The following SEMA3C variants were observed in gnomAD, a reference collection of about 807,000 sequenced individuals.
The protein encoded by SEMA3C is semaphorin-3C.
In SEMA3C, 47 loss-of-function variants were observed where a neutral mutation model predicts 89.4. The observed-to-expected ratio is 0.53, with a 90% confidence interval of 0.42 to 0.67. The LOEUF (loss-of-function observed/expected upper bound fraction) is 0.67, where lower values mean the gene tolerates loss of function less well. Among genes scored for constraint, SEMA3C ranks in the 30% least tolerant of loss-of-function variants. The pLI is 0.00. For synonymous variants in SEMA3C, 310 were observed against 320.2 expected, an observed-to-expected ratio of 0.97 and a Z score of 0.34; for missense variants, 839 against 929.1, an observed-to-expected ratio of 0.90 and a Z score of 1.26.
intron 2 of SEMA3C, among the ~76,000 whole-genome samples, chr7:80,842,018 C>A (rs958814646): frequency 2.0e-5 from 3 of 152,166 alleles, no homozygotes; most frequent in Non-Finnish European, 4.4e-5. Flanking sequence ...GCTCCCTTTT[C>A]TCCTTTTTTC....
At chr7:80,766,315 C>T (rs1788301842) in intron 12 of SEMA3C, among the ~76,000 whole-genome samples, 1 of 152,182 alleles carries the variant, frequency 6.6e-6, no homozygotes, top group Non-Finnish European at 1.5e-5. Context: ...TATCACATGT[C>T]ATGTCTCTCT....
At chr7:80,890,066 T>C (rs1791575776) in intron 2 of SEMA3C, among the ~76,000 whole-genome samples, 1 of 152,180 alleles carries the variant, frequency 6.6e-6, no homozygotes, top group Non-Finnish European at 1.5e-5. Flanking sequence ...TCCAACATAT[T>C]GAAGGGACTG....
At chr7:80,833,965 T>C (rs1021240111) in intron 2 of SEMA3C, among the ~76,000 whole-genome samples, 2 of 152,182 alleles carry the variant, frequency 1.3e-5, no homozygotes, top group Non-Finnish European at 2.9e-5. Context: ...ACATTACAAT[T>C]ACTAGTCCAT....
intron 2 of SEMA3C, among the ~76,000 whole-genome samples, chr7:80,880,157 GCTCAAAT>G (rs1382468068): frequency 2.0e-5 from 3 of 152,020 alleles, no homozygotes; most frequent in Non-Finnish European, 4.4e-5. Flanking sequence ...TCAAATCTTT[GCTCAAAT>G]CTCAACATCT....
chr7:80,831,604 A>C (rs1453001809), intron 2 of SEMA3C, among the ~76,000 whole-genome samples: 1 of 152,232 alleles, frequency 6.6e-6, no homozygotes, highest in Non-Finnish European at 1.5e-5. Flanking sequence ...CAATAATAAA[A>C]TAAGGCATTG....
chr7:80,919,856 G>C (rs1382002689), upstream of SEMA3C, among the ~76,000 whole-genome samples: 2 of 152,064 alleles, frequency 1.3e-5, no homozygotes. Context: ...CCACCGCGCC[G>C]GGCCTCTGTT....
intron 15 of SEMA3C, among the ~76,000 whole-genome samples, chr7:80,754,702 T>A (rs1167023855): frequency 6.6e-6 from 1 of 152,198 alleles, no homozygotes; most frequent in East Asian, 1.9e-4. Flanking sequence ...GCATATTTTT[T>A]ATATATGTAG....
In SEMA3C at chr7:80,916,758, C is replaced by A. The variant is rs1413897272; in HGVS notation, c.24G>T (p.Val8=). MAFRTIC[V]LVGVFICSIC... is the part of the protein sequence containing the mutation. The stretch of plus-strand genomic sequence containing the variant: ...TAGAACAAATAAATACTCCAACCAA[C>A]ACGCAAATTGTCCGGAATGCCATTT... The change falls in exon 2 of 18, where the codon GTG becomes GTT. Residue 8 remains valine, a synonymous_variant. Coordinates refer to ENST00000265361, the MANE Select transcript of SEMA3C (RefSeq NM_006379.5). 1 of 1,613,466 alleles carries A rather than the reference C, an allele frequency of 6.2e-7. No individual in the cohort carries two copies. The highest frequency in any genetic ancestry group is 1.7e-5 in the Admixed American group (1 of 59,998).
At chr7:80,769,227 C>G (rs1788372549) in intron 12 of SEMA3C, among the ~76,000 whole-genome samples, 1 of 152,136 alleles carries the variant, frequency 6.6e-6, no homozygotes, top group South Asian at 2.1e-4. Flanking sequence ...CAATTCCACT[C>G]TTTTAGTTAT....
chr7:80,808,894 C>T (rs938988621), intron 6 of SEMA3C, among the ~76,000 whole-genome samples: 4 of 152,128 alleles, frequency 2.6e-5, no homozygotes, highest in African/African-American at 9.7e-5. Context: ...CCTGCCTCAG[C>T]CTCCTGAGTA....
chr7:80,865,207 T>C (rs1257949451), intron 2 of SEMA3C, among the ~76,000 whole-genome samples: 1 of 152,154 alleles, frequency 6.6e-6, no homozygotes, highest in East Asian at 1.9e-4. Flanking sequence ...AGTAAAATGG[T>C]ATCTAAAATC....
At chr7:80,750,170 C>T (rs911456358) in intron 16 of SEMA3C, among the ~76,000 whole-genome samples, 2 of 151,368 alleles carry the variant, frequency 1.3e-5, no homozygotes, top group East Asian at 1.9e-4. Flanking sequence ...AGCACCTTGA[C>T]GAGCCACAAG....
chr7:80,750,788 GA>G (rs1787916868), intron 16 of SEMA3C, among the ~76,000 whole-genome samples: 1 of 151,814 alleles, frequency 6.6e-6, no homozygotes, highest in African/African-American at 2.4e-5. Flanking sequence ...TTCAGTTGGG[GA>G]AGATGAAAAA....
chr7:80,892,150 A>C, intron 2 of SEMA3C, among the ~76,000 whole-genome samples: 1 of 152,134 alleles, frequency 6.6e-6, no homozygotes, highest in East Asian at 1.9e-4. Flanking sequence ...TCACAGACAA[A>C]AATCATTGGC....
At chr7:80,761,917 C>A (rs1393763383) in intron 13 of SEMA3C, among the ~76,000 whole-genome samples, 1 of 151,312 alleles carries the variant, frequency 6.6e-6, no homozygotes, top group Admixed American at 6.6e-5. Flanking sequence ...GGTGAAACCC[C>A]AGCTCTACTA....
intron 2 of SEMA3C, among the ~76,000 whole-genome samples, chr7:80,845,092 G>C (rs187294300): frequency 6.6e-6 from 1 of 152,016 alleles, no homozygotes; most frequent in Non-Finnish European, 1.5e-5. Context: ...CTGTTGATAC[G>C]ACCTCTCCCC....
At chr7:80,757,389 C>T (rs1040297490) in intron 15 of SEMA3C, among the ~76,000 whole-genome samples, 7 of 152,182 alleles carry the variant, frequency 4.6e-5, no homozygotes, top group East Asian at 3.8e-4. Context: ...TGGTACAAGT[C>T]GATGCAGTTT....
Position 80,758,938 on chromosome 7 carries a change from T to C in SEMA3C, c.1486-450A>G, listed in dbSNP as rs866997192. Among the ~76,000 whole-genome samples, 10 of 152,272 alleles carry C rather than the reference T, an allele frequency of 6.6e-5. No individual in the cohort carries two copies. The South Asian group carries it at 8.3e-4, about 13-fold the overall frequency. On this transcript the variant is annotated intron_variant, in intron 14 of 17. Transcript: ENST00000265361. ...GCATTTTAAGTTTAGAAGGAAAAAA[T>C]GGTAAATAGTAAGTACTGGATGAAA...
chr7:80,804,207 C>T lies in SEMA3C; in HGVS notation c.700G>A (p.Asp234Asn). The change falls in exon 8 of 18, where the codon GAT becomes AAT. Residue 234 changes from aspartate (D) to asparagine (N), a missense_variant. By Grantham distance (23) the Asp-to-Asn change is conservative. Coordinates refer to ENST00000265361, the MANE Select transcript of SEMA3C (RefSeq NM_006379.5). ...AAGTACACCTTAGCATCATTTGGAT[C>T]AGTACCATCTGGGATGACATGTGCA... Reference protein sequence around the residue: ...VDAHVIPDGTDPNDAKVYFFF... With the variant: ...VDAHVIPDGTNPNDAKVYFFF... 6.2e-7 allele frequency: 1 copy of T among 1,611,884 alleles called. No homozygotes were observed. The highest frequency in any genetic ancestry group is 1.3e-5 in the African/African-American group (1 of 74,948).
Sources: gnomAD v4.1 joint callset for allele counts (sites outside exome capture counted in the v4.1 genomes callset) on GRCh38, gnomAD v4.1.1 for gene constraint, MANE v1.5 for transcripts, NCBI Gene and HGNC (gene_info 2026-07-23, HGNC 2026-07-21) for gene names.